The following DLG2 variants were observed in gnomAD, a reference collection of about 807,000 sequenced individuals.
The protein encoded by DLG2 is discs large MAGUK scaffold protein 2, also known as disks large homolog 2.
Under a neutral mutation model 132.5 loss-of-function variants are expected in DLG2, and 45 were observed. The ratio of observed to expected loss-of-function variants is 0.34; its 90% CI spans 0.27 to 0.44. DLG2 has a LOEUF of 0.44. DLG2 is among the 20% of genes least tolerant of loss of function. The pLI is 1.00. For synonymous variants in DLG2, 424 were observed against 419.6 expected, an observed-to-expected ratio of 1.01 and a Z score of -0.13; for missense variants, 1,045 against 1,196.9, an observed-to-expected ratio of 0.87 and a Z score of 1.87.
chr11:83,489,259 C>T lies in DLG2; in HGVS notation c.2194-5031G>A, dbSNP rs549239323. ...TACCAGTTTACAGCAACAAAGAGGA[C>T]AGAGAAACATGGTAATTCCTACTAT... On this transcript the variant is annotated intron_variant, in intron 21 of 27. Coordinates refer to ENST00000376104, the MANE Select transcript of DLG2 (RefSeq NM_001142699.3). Among the ~76,000 whole-genome samples, 60 of 152,026 alleles carry T rather than the reference C, an allele frequency of 3.9e-4. 1 individual carries two copies. In the South Asian group the frequency reaches 0.012, roughly 30 times the overall value.
intron 7 of DLG2, among the ~76,000 whole-genome samples, chr11:84,371,931 CA>C (rs1378043633): frequency 6.6e-6 from 1 of 152,064 alleles, no homozygotes; most frequent in Non-Finnish European, 1.5e-5. Context: ...TTTGAAAAAT[CA>C]TAATATTCTG....
chr11:83,499,088 A>G (rs192720205), intron 21 of DLG2, among the ~76,000 whole-genome samples: 10 of 152,304 alleles, frequency 6.6e-5, no homozygotes, highest in African/African-American at 2.4e-4. Context: ...ACAGAAGCCC[A>G]TGCCTAGATG....
rs114243789 is a variant in DLG2, at chr11:83,787,034, T to C, written c.1723-242A>G. On this transcript the variant is annotated intron_variant, in intron 17 of 27. Coordinates refer to ENST00000376104, the MANE Select transcript of DLG2 (RefSeq NM_001142699.3). ...ACCGGGTTGGAAACATTTTTATCTA[T>C]TCATGTTCTAGTGTATGCATTTAAT... 3.8e-3 allele frequency among the ~76,000 whole-genome samples: 585 copies of C among 152,270 alleles called. 5 individuals are homozygous for C. Among genetic ancestry groups the C allele is most frequent in the African/African-American group, 0.014 (566 of 41,538 alleles).
intron 14 of DLG2, among the ~76,000 whole-genome samples, chr11:83,942,804 A>G (rs934859052): frequency 6.6e-6 from 1 of 152,222 alleles, no homozygotes; most frequent in African/African-American, 2.4e-5. Context: ...CACACACACA[A>G]AAAAGGTAAC....
intron 12 of DLG2, among the ~76,000 whole-genome samples, chr11:83,976,466 G>T (rs1447204253): frequency 1.3e-5 from 2 of 151,936 alleles, no homozygotes; most frequent in Admixed American, 1.3e-4. Flanking sequence ...GTAGAAGAGG[G>T]GGAAGATACA....
At chr11:84,177,612 G>A (rs866025694) in intron 8 of DLG2, among the ~76,000 whole-genome samples, 3 of 152,112 alleles carry the variant, frequency 2.0e-5, no homozygotes, top group African/African-American at 7.2e-5. Flanking sequence ...TATAAATGAA[G>A]TAGGAAGTAA....
intron 6 of DLG2, among the ~76,000 whole-genome samples, chr11:84,677,498 C>T (rs1256186646): frequency 2.0e-5 from 3 of 152,066 alleles, no homozygotes; most frequent in African/African-American, 7.2e-5. Flanking sequence ...ATGAGAACTA[C>T]TTACAAATCC....
chr11:84,924,464 C>T (rs1245224608), intron 6 of DLG2, among the ~76,000 whole-genome samples: 1 of 152,156 alleles, frequency 6.6e-6, no homozygotes, highest in Non-Finnish European at 1.5e-5. Context: ...TTGCATAAGC[C>T]ACCTCCCCTC....
chr11:84,408,355 ATT>A (rs1491053352), intron 7 of DLG2, among the ~76,000 whole-genome samples: 4 of 147,100 alleles, frequency 2.7e-5, no homozygotes, highest in Admixed American at 6.7e-5. Context: ...ATATATATAT[ATT>A]ATTATACTTT....
chr11:84,191,152 A>AT (rs987145053), intron 8 of DLG2, among the ~76,000 whole-genome samples: 6 of 152,212 alleles, frequency 3.9e-5, no homozygotes, highest in East Asian at 3.9e-4. Flanking sequence ...AGAAAGTCAG[A>AT]TTTTTTTATG....
At chr11:85,170,279 T>A (rs1272489910) in intron 4 of DLG2, among the ~76,000 whole-genome samples, 3 of 152,046 alleles carry the variant, frequency 2.0e-5, no homozygotes, top group African/African-American at 7.2e-5. Flanking sequence ...TTGTTCAGAT[T>A]TTTTCCTGTG....
At chr11:84,334,288 T>A (rs1157865543) in intron 7 of DLG2, among the ~76,000 whole-genome samples, 2 of 152,132 alleles carry the variant, frequency 1.3e-5, no homozygotes, top group African/African-American at 4.8e-5. Context: ...CAGAAATACA[T>A]CCCAGAACTT....
At chr11:84,871,966 T>C (rs772445451) in intron 6 of DLG2, among the ~76,000 whole-genome samples, 3 of 152,316 alleles carry the variant, frequency 2.0e-5, no homozygotes, top group Non-Finnish European at 4.4e-5. Flanking sequence ...TGAGCCACCA[T>C]GCCTGGCCTG....
At chr11:84,731,896 A>C (rs2063202072) in intron 6 of DLG2, among the ~76,000 whole-genome samples, 1 of 151,992 alleles carries the variant, frequency 6.6e-6, no homozygotes, top group Non-Finnish European at 1.5e-5. Context: ...ATCACCTTCA[A>C]ACGTTTCCAC....
In DLG2 at chr11:85,622,785, C is replaced by T. The variant is rs932685173; in HGVS notation, c.-93+3802G>A. 7.9e-5 allele frequency among the ~76,000 whole-genome samples: 12 copies of T among 152,240 alleles called. No individual in the cohort carries two copies. In the South Asian group the frequency reaches 2.5e-3, roughly 32 times the overall value. On this transcript the variant is annotated intron_variant, in intron 2 of 27. Transcript: ENST00000376104. The stretch of plus-strand genomic sequence containing the variant: ...CATGTCTTAAGATTCTAAGGCCAGG[C>T]GCACTGGCTCATGCCTGTAATCCCA...
At chr11:83,837,939 A>C (rs879210081) in intron 16 of DLG2, among the ~76,000 whole-genome samples, 1 of 152,130 alleles carries the variant, frequency 6.6e-6, no homozygotes, top group Non-Finnish European at 1.5e-5. Context: ...GTAGAGGCCA[A>C]CAGAATTTTC....
At chr11:85,615,536 T>C (rs1336170629) in intron 2 of DLG2, among the ~76,000 whole-genome samples, 2 of 151,970 alleles carry the variant, frequency 1.3e-5, no homozygotes, top group African/African-American at 4.8e-5. Context: ...AGATTAAAAA[T>C]TGCATCTTCA....
intron 15 of DLG2, among the ~76,000 whole-genome samples, chr11:83,882,926 T>A (rs925198237): frequency 2.0e-5 from 3 of 152,168 alleles, no homozygotes; most frequent in Admixed American, 6.6e-5. Flanking sequence ...TAAGGTGAGA[T>A]CGAAGACAGA....
At chr11:84,933,825 C>A (rs1452857704) in intron 6 of DLG2, among the ~76,000 whole-genome samples, 1 of 152,194 alleles carries the variant, frequency 6.6e-6, no homozygotes, top group Non-Finnish European at 1.5e-5. Flanking sequence ...AATTTGACTT[C>A]TTCTCTTCCT....
Sources: allele counts gnomAD v4.1 joint callset (sites outside exome capture counted in the v4.1 genomes callset), GRCh38; gene constraint gnomAD v4.1.1; transcripts MANE v1.5; gene names NCBI Gene and HGNC (gene_info 2026-07-23, HGNC 2026-07-21).